Variants in ARL17B observed in about 807,000 individuals in gnomAD.
ARL17B encodes the protein ARF like GTPase 17B, also known as ADP-ribosylation factor-like protein 17.
At chr17:46,281,601 T>A (rs2049765155) in intron 4 of ARL17B, among the ~76,000 whole-genome samples, 1 of 152,216 alleles carries the variant, frequency 6.6e-6, no homozygotes, top group South Asian at 2.1e-4. Context: ...GGTTAATTTT[T>A]AAAATTTTTG....
Position 46,341,000 on chromosome 17 carries a change from C to T in ARL17B, c.260-1226G>A, listed in dbSNP as rs2052514392. Among the ~76,000 whole-genome samples the T allele has an allele frequency of 5.5e-5, 4 of 72,384 alleles. No individual in the cohort carries two copies. In the South Asian group the frequency reaches 2.1e-3, roughly 38 times the overall value. The allele number at this position is 72,384 out of a possible 152,430, so 47.5% of individuals were successfully genotyped here. On this transcript the variant is annotated intron_variant, in intron 3 of 3. Coordinates refer to ENST00000450673, the MANE Select transcript of ARL17B (RefSeq NM_001039083.5). ...AAGTGATCCTCCCGCCTTGGTCTCTCAACGTACTGGGATTACAGGTGGGAG... is the reference window on the plus strand; with the variant it reads ...AAGTGATCCTCCCGCCTTGGTCTCTTAACGTACTGGGATTACAGGTGGGAG...
intron 4 of ARL17B, among the ~76,000 whole-genome samples, chr17:46,287,657 G>C (rs376585505): frequency 0.047 from 6,111 of 129,502 alleles, no homozygotes; most frequent in Non-Finnish European, 0.076. Context: ...TATAATGTTT[G>C]TGACAATGTG....
exon 5 of ARL17B, chr17:46,275,258 A>G (rs1176426417): frequency 2.0e-6 from 1 of 500,564 alleles, no homozygotes; most frequent in African/African-American, 2.2e-5. Flanking sequence ...TATGACCAAT[A>G]AAAACAAAGT....
At chr17:46,277,751 A>C (rs2049631503) in intron 4 of ARL17B, among the ~76,000 whole-genome samples, 1 of 150,534 alleles carries the variant, frequency 6.6e-6, no homozygotes, top group Non-Finnish European at 1.5e-5. Context: ...GGTTCAAATG[A>C]TTTTCCTGCC....
intron 3 of ARL17B, among the ~76,000 whole-genome samples, chr17:46,344,562 CTAGG>C (rs1269996517): frequency 6.4e-5 from 7 of 109,344 alleles, no homozygotes; most frequent in African/African-American, 2.8e-4. Flanking sequence ...TGCGTTTGTA[CTAGG>C]TGTTTACAAA....
At chr17:46,280,136 G>C (rs1334391410) in intron 4 of ARL17B, among the ~76,000 whole-genome samples, 2 of 152,246 alleles carry the variant, frequency 1.3e-5, no homozygotes, top group Non-Finnish European at 2.9e-5. Flanking sequence ...ACTTTGGGAG[G>C]CCAGGGCAGG....
chr17:46,274,967 A>G (rs553949729), exon 5 of ARL17B: 26 of 155,928 alleles, frequency 1.7e-4, no homozygotes, highest in African/African-American at 6.3e-4. Context: ...ATCTCGGCTC[A>G]ATACAACCTC....
chr17:46,317,133 T>A, intron 3 of ARL17B, among the ~76,000 whole-genome samples: 1 of 89,154 alleles, frequency 1.1e-5, no homozygotes, highest in Non-Finnish European at 3.3e-5. Flanking sequence ...TGGGTACACC[T>A]CCCAGATGGG....
At chr17:46,332,197 TA>T (rs1344429052), downstream of ARL17B, among the ~76,000 whole-genome samples, 2 of 27,934 alleles carry the variant, frequency 7.2e-5, no homozygotes, top group Non-Finnish European at 1.2e-4. Context: ...CTCACGCCTG[TA>T]ATCTCAGCAC....
At chr17:46,278,384 C>T (rs113677423) in intron 4 of ARL17B, among the ~76,000 whole-genome samples, 16,359 of 143,822 alleles carry the variant, frequency 0.11, 2 homozygotes, top group Middle Eastern at 0.18. Context: ...TTGTTTTGTT[C>T]TGTTTTGTTT....
rs1664923731 is a variant in ARL17B at position 46,324,967 on chromosome 17, G to A, written c.260-25302C>T. 2.6e-5 allele frequency among the ~76,000 whole-genome samples: 2 copies of A among 78,206 alleles called. 1 individual carries two copies. Among genetic ancestry groups the A allele is most frequent in the African/African-American group, 6.7e-5 (2 of 29,920 alleles). 51.3% of individuals were successfully genotyped at this position (78,206 alleles called of 152,430 possible). A position where few individuals can be genotyped will look rare whatever the true frequency, so the allele number is the denominator to read the frequency against. On this transcript the variant is annotated intron_variant, in intron 3 of 4. Transcript: ENST00000434041. ...GCCACCAGCCCCCACAATATGGCAA[G>A]CTAAATAGAGACTCAGTTATGCTAG... is the stretch of plus-strand genomic sequence containing the variant.
downstream of ARL17B, chr17:46,330,944 C>A (rs768779177): frequency 4.1e-6 from 3 of 724,806 alleles, no homozygotes; most frequent in Admixed American, 8.7e-5. Flanking sequence ...ACAGCAGGGG[C>A]CTGAGAAGTT....
At chr17:46,291,702 C>G (rs1207204067) in intron 4 of ARL17B, among the ~76,000 whole-genome samples, 1 of 152,162 alleles carries the variant, frequency 6.6e-6, no homozygotes, top group Non-Finnish European at 1.5e-5. Flanking sequence ...AGGAGGATCA[C>G]TTGCTTGAGC....
chr17:46,313,737 A>T (rs2143775678), intron 3 of ARL17B, among the ~76,000 whole-genome samples: 1 of 39,768 alleles, frequency 2.5e-5, no homozygotes, highest in East Asian at 4.8e-4. Context: ...TCTCATAGCC[A>T]TCCCAGTGAG....
At position 46,341,032 on chromosome 17, in the gene ARL17B, C is replaced by T. The variant is rs1271348806; in HGVS notation, c.260-1258G>A. Among the ~76,000 whole-genome samples the T allele has an allele frequency of 1.3e-4, 9 of 67,284 alleles. 1 individual carries two copies. Among genetic ancestry groups the T allele is most frequent in the Admixed American group, 7.3e-4 (5 of 6,862 alleles). The allele number at this position is 67,284 out of a possible 152,430, so 44.1% of individuals were successfully genotyped here. A position where few individuals can be genotyped will look rare whatever the true frequency, so the allele number is the denominator to read the frequency against. On this transcript the variant is annotated intron_variant, in intron 3 of 3. Coordinates refer to ENST00000450673, the MANE Select transcript of ARL17B (RefSeq NM_001039083.5). ...CTGGGATTACAGGTGGGAGTCCCCG[C>T]GCCCGGCAAAGCCTATATTAAACCC...
chr17:46,286,374 C>A (rs7225145), intron 4 of ARL17B, among the ~76,000 whole-genome samples: 35,609 of 149,474 alleles, frequency 0.24, 5,420 homozygotes, highest in South Asian at 0.52. Context: ...AGTCACAAAT[C>A]TTTCAACTAG....
exon 5 of ARL17B, chr17:46,275,365 G>A: frequency 1.0e-6 from 1 of 997,306 alleles, no homozygotes; most frequent in South Asian, 1.3e-5. Flanking sequence ...TTTTATGTTA[G>A]GTTAACATGC....
intron 3 of ARL17B, among the ~76,000 whole-genome samples, chr17:46,317,169 C>T (rs2051195773): frequency 1.1e-5 from 1 of 89,666 alleles, no homozygotes; most frequent in Non-Finnish European, 3.3e-5. Flanking sequence ...AGGCGCTCCT[C>T]ACATCCCAGA....
chr17:46,275,329 G>T, exon 5 of ARL17B: 1 of 856,114 alleles, frequency 1.2e-6, no homozygotes, highest in Non-Finnish European at 1.8e-6. Context: ...ATTTAAAATA[G>T]TTCAGGCAAC....
Sources: allele counts gnomAD v4.1 joint callset (sites outside exome capture counted in the v4.1 genomes callset), GRCh38; gene constraint gnomAD v4.1.1; transcripts MANE v1.5; gene names NCBI Gene and HGNC (gene_info 2026-07-23, HGNC 2026-07-21).